Variants in HIPK3 observed in about 807,000 individuals in gnomAD.
HIPK3 encodes homeodomain-interacting protein kinase 3.
A neutral mutation model predicts 124.2 loss-of-function variants in HIPK3; 47 were observed. That is an observed-to-expected ratio of 0.38 (90% confidence interval 0.30 to 0.48). The LOEUF (loss-of-function observed/expected upper bound fraction) is 0.48. Ranked by LOEUF, HIPK3 falls within the 20% of genes least tolerant of loss-of-function variation. The pLI, the probability that HIPK3 is intolerant of heterozygous loss-of-function variation, is 0.98. For synonymous variants in HIPK3, 482 were observed against 515.2 expected, an observed-to-expected ratio of 0.94 and a Z score of 0.87; for missense variants, 1,286 against 1,454.3, an observed-to-expected ratio of 0.88 and a Z score of 1.88.
intron 6 of HIPK3, among the ~76,000 whole-genome samples, chr11:33,339,985 G>A (rs1026169230): frequency 2.0e-5 from 3 of 152,082 alleles, no homozygotes; most frequent in Non-Finnish European, 2.9e-5. Context: ...AAGAAAAGGA[G>A]GTTTTTCATG....
At chr11:33,317,722 C>T (rs1021130006) in intron 2 of HIPK3, among the ~76,000 whole-genome samples, 8 of 152,202 alleles carry the variant, frequency 5.3e-5, no homozygotes, top group Non-Finnish European at 1.0e-4. Flanking sequence ...TGTACAAACA[C>T]TTGTTTATCT....
chr11:33,300,702 T>G (rs1565073019), intron 2 of HIPK3, among the ~76,000 whole-genome samples: 1 of 152,134 alleles, frequency 6.6e-6, no homozygotes, highest in African/African-American at 2.4e-5. Flanking sequence ...TATTCCTGTA[T>G]GTTGATATAT....
intron 1 of HIPK3, among the ~76,000 whole-genome samples, chr11:33,272,148 A>G (rs1462363554): frequency 1.3e-5 from 2 of 152,186 alleles, no homozygotes. Flanking sequence ...CTGTAATCCC[A>G]GCACTTTGGG....
chr11:33,336,144 T>C (rs1853141006), intron 3 of HIPK3, among the ~76,000 whole-genome samples: 2 of 152,274 alleles, frequency 1.3e-5, no homozygotes, highest in African/African-American at 4.8e-5. Flanking sequence ...AGTTTGCCGT[T>C]ATTTATTGAT....
chr11:33,347,438 C>A, intron 9 of HIPK3, 24 bp downstream of exon 9: 1 of 1,612,202 alleles, frequency 6.2e-7, no homozygotes, highest in South Asian at 1.1e-5. Flanking sequence ...CATTCTTTGC[C>A]ATATATCAGC....
At position 33,337,181 on chromosome 11, in the gene HIPK3, G is replaced by T. The variant is rs148475804; in HGVS notation, c.1328G>T (p.Gly443Val). 103 of 1,543,704 alleles carry T rather than the reference G, an allele frequency of 6.7e-5. No homozygotes were observed. The highest frequency in any genetic ancestry group is 8.7e-5 in the Non-Finnish European group (98 of 1,123,746). ...AAAGAAACAGATATGTCTCATTCTG[G>T]TTGGAGATTAAAGGTAATTCATTAA... ...FCKETDMSHS[G>V]WRLKTLEEHE... Residue 443 changes from glycine (G) to valine (V), a missense_variant, in exon 4 of 17, where the codon GGT becomes GTT. Gly to Val is a moderately radical substitution (Grantham distance 109). Transcript: ENST00000303296.
chr11:33,267,622 A>C (rs1851005882), intron 1 of HIPK3, among the ~76,000 whole-genome samples: 1 of 150,980 alleles, frequency 6.6e-6, no homozygotes, highest in Non-Finnish European at 1.5e-5. Context: ...TGGCCTCCTG[A>C]GTAGCTGGGA....
intron 2 of HIPK3, among the ~76,000 whole-genome samples, chr11:33,289,783 C>A (rs1392404010): frequency 1.3e-5 from 2 of 152,144 alleles, no homozygotes; most frequent in East Asian, 3.9e-4. Flanking sequence ...TTAGTTGGAC[C>A]CCTTAATCAT....
At position 33,337,057 on chromosome 11, in the gene HIPK3, C is replaced by G. The variant is rs1183780747; in HGVS notation, c.1222-18C>G. On this transcript the variant is annotated intron_variant, in intron 3 of 16. Coordinates refer to ENST00000303296, the MANE Select transcript of HIPK3 (RefSeq NM_005734.5). ...ACATGAAAGAATAAACTATTCTGTT[C>G]TGTAAATTATTTTTCAGATTCGATA... is the stretch of plus-strand genomic sequence containing the variant. The G allele has an allele frequency of 6.3e-7, 1 of 1,575,854 alleles. No homozygotes were observed.
Position 33,290,305 on chromosome 11 carries a change from T to C in HIPK3, c.1097+2794T>C, listed in dbSNP as rs574757669. 2.6e-5 allele frequency among the ~76,000 whole-genome samples: 4 copies of C among 152,294 alleles called. No individual in the cohort carries two copies. The South Asian group carries it at 6.2e-4, about 24-fold the overall frequency. On this transcript the variant is annotated intron_variant, in intron 2 of 16. Coordinates refer to ENST00000303296, the MANE Select transcript of HIPK3 (RefSeq NM_005734.5). ...ATCACATAATTAGATTTATTAGATA[T>C]CTGTGCTCCGCAAAAGATTTTTTTT...
chr11:33,309,212 T>G (rs1174718479), intron 2 of HIPK3, among the ~76,000 whole-genome samples: 1 of 152,184 alleles, frequency 6.6e-6, no homozygotes, highest in African/African-American at 2.4e-5. Flanking sequence ...TTTATAGAGA[T>G]CCCACCCAGG....
At chr11:33,297,874 C>T (rs1438371280) in intron 2 of HIPK3, among the ~76,000 whole-genome samples, 1 of 147,040 alleles carries the variant, frequency 6.8e-6, no homozygotes, top group African/African-American at 2.5e-5. Flanking sequence ...ATTGCAACCT[C>T]TACCTGCCAG....
chr11:33,289,860 A>G (rs550075950), intron 2 of HIPK3, among the ~76,000 whole-genome samples: 2 of 152,232 alleles, frequency 1.3e-5, no homozygotes, highest in African/African-American at 4.8e-5. Context: ...CTCTATCTCC[A>G]TGAGTTCAAT....
At chr11:33,272,106 T>G (rs1851140044) in intron 1 of HIPK3, among the ~76,000 whole-genome samples, 1 of 152,100 alleles carries the variant, frequency 6.6e-6, no homozygotes, top group African/African-American at 2.4e-5. Context: ...TTTTAAGAAT[T>G]CAATGTCGTG....
rs561681873 is a variant in HIPK3, at chr11:33,293,055, C to T, written c.1097+5544C>T. Among the ~76,000 whole-genome samples the T allele has an allele frequency of 2.9e-4, 44 of 152,250 alleles. No homozygotes were observed. The South Asian group carries it at 8.7e-3, about 30-fold the overall frequency. ...CCCGGCCAAATGAAATGGTTTTCAG[C>T]GCCATACCTGTGGCTGCAAATGTGT... On this transcript the variant is annotated intron_variant, in intron 2 of 16. Transcript: ENST00000303296.
chr11:33,299,199 C>T (rs907704993), intron 2 of HIPK3, among the ~76,000 whole-genome samples: 13 of 150,516 alleles, frequency 8.6e-5, no homozygotes, highest in African/African-American at 1.7e-4. Context: ...TTGGGCCGGG[C>T]GCGGTGGCTC....
intron 1 of HIPK3, among the ~76,000 whole-genome samples, chr11:33,265,392 A>G (rs1850926017): frequency 6.6e-6 from 1 of 152,208 alleles, no homozygotes; most frequent in African/African-American, 2.4e-5. Context: ...TGCTTTAAAT[A>G]TTTTTTGTAG....
chr11:33,333,435 G>A (rs1375330645), intron 3 of HIPK3, among the ~76,000 whole-genome samples: 1 of 152,074 alleles, frequency 6.6e-6, no homozygotes, highest in African/African-American at 2.4e-5. Context: ...TCCCCCAAGA[G>A]TCATTGGTAT....
At chr11:33,352,294 CTG>C in intron 16 of HIPK3, 29 bp downstream of exon 16, 2 of 1,606,120 alleles carry the variant, frequency 1.2e-6, no homozygotes, top group Non-Finnish European at 1.7e-6. Flanking sequence ...ATGTAGGAGT[CTG>C]TGGGATTCAA....
Sources: gnomAD v4.1 joint callset for allele counts (sites outside exome capture counted in the v4.1 genomes callset) on GRCh38, gnomAD v4.1.1 for gene constraint, MANE v1.5 for transcripts, NCBI Gene and HGNC (gene_info 2026-07-23, HGNC 2026-07-21) for gene names.